The following ATP8B4 variants were observed in gnomAD, a reference collection of about 807,000 sequenced individuals.
ATP8B4 encodes probable phospholipid-transporting ATPase IM.
ATP8B4 carries 133 observed loss-of-function variants against 145.6 expected under a neutral mutation model. That is an observed-to-expected ratio of 0.91 (90% CI 0.79 to 1.05). The LOEUF (loss-of-function observed/expected upper bound fraction) is 1.05, where lower values mean the gene tolerates loss of function less well. Among genes scored for constraint, ATP8B4 ranks in the 50% least tolerant of loss-of-function variants. The pLI is 0.00. For synonymous variants in ATP8B4, 507 were observed against 492.9 expected (o/e 1.03, Z -0.38); for missense variants, 1,458 against 1,425.2 (o/e 1.02, Z -0.37).
intron 3 of ATP8B4, among the ~76,000 whole-genome samples, chr15:50,067,690 C>T (rs183690260): frequency 1.2e-3 from 185 of 152,208 alleles, no homozygotes; most frequent in African/African-American, 4.1e-3. Flanking sequence ...AGAATTTGTA[C>T]CCCCTTTCTT....
chr15:50,061,428 C>T (rs1177165684), intron 3 of ATP8B4, among the ~76,000 whole-genome samples: 3 of 152,062 alleles, frequency 2.0e-5, no homozygotes, highest in Non-Finnish European at 4.4e-5. Flanking sequence ...TTTCCACAGG[C>T]AATAGCATAT....
rs547764565 is a variant in ATP8B4 at position 50,137,153 on chromosome 15, C to T, written c.-42-30145G>A. On this transcript the variant is annotated intron_variant, in intron 1 of 3. Coordinates refer to the ATP8B4 transcript ENST00000558829. Reference sequence around the variant, plus strand: ...AAGCAACATGCTAGCACTGATTTAACGTCAATCTTCCCAAAAATACTATCT... The same window carrying T: ...AAGCAACATGCTAGCACTGATTTAATGTCAATCTTCCCAAAAATACTATCT... 5.3e-4 allele frequency among the ~76,000 whole-genome samples: 81 copies of T among 152,298 alleles called. 1 individual carries two copies. The highest frequency in any genetic ancestry group is 1.9e-3 in the African/African-American group (79 of 41,564).
intron 13 of ATP8B4, among the ~76,000 whole-genome samples, chr15:49,969,963 C>G (rs890380235): frequency 6.6e-6 from 1 of 152,106 alleles, no homozygotes; most frequent in Non-Finnish European, 1.5e-5. Flanking sequence ...TAAGGTGGTT[C>G]AACATATGCA....
intron 1 of ATP8B4, among the ~76,000 whole-genome samples, chr15:50,165,081 G>A (rs1045219887): frequency 2.7e-5 from 4 of 150,054 alleles, no homozygotes; most frequent in East Asian, 2.0e-4. Flanking sequence ...ATGGAGTCTC[G>A]CTCTGTTACC....
intron 2 of ATP8B4, among the ~76,000 whole-genome samples, chr15:50,093,931 T>C (rs1021566015): frequency 2.0e-5 from 3 of 152,196 alleles, no homozygotes; most frequent in African/African-American, 7.2e-5. Flanking sequence ...CTTCCAGGAC[T>C]ATACAACAAC....
intron 23 of ATP8B4, chr15:49,879,933 G>GAA: frequency 6.6e-6 from 1 of 152,356 alleles, no homozygotes; most frequent in Non-Finnish European, 1.5e-5. Context: ...TTTTGCGGGG[G>GAA]AGTGGTTTAA....
At chr15:50,117,143 C>T (rs1012411575) in intron 1 of ATP8B4, among the ~76,000 whole-genome samples, 3 of 152,086 alleles carry the variant, frequency 2.0e-5, no homozygotes, top group African/African-American at 4.8e-5. Flanking sequence ...CTCCACCACA[C>T]GGTTCAGGCG....
intron 18 of ATP8B4, 131 bp downstream of exon 18, chr15:49,920,115 G>C: frequency 8.3e-7 from 1 of 1,200,268 alleles, no homozygotes; most frequent in Non-Finnish European, 1.2e-6. Context: ...TATAAAGCAT[G>C]ATTCAGTGAT....
Position 49,918,819 on chromosome 15 carries a change from A to G in ATP8B4, c.2035+20T>C. 1 of 1,545,882 alleles carries G rather than the reference A, an allele frequency of 6.5e-7. No homozygotes were observed. The highest frequency in any genetic ancestry group is 1.7e-5 in the Admixed American group (1 of 57,922). On this transcript the variant is annotated intron_variant, in intron 19 of 27. Transcript: ENST00000284509. The stretch of plus-strand genomic sequence containing the variant: ...ATCTCCCCATTTTCAAAATATCATC[A>G]ACATCCATTTTCAAGTTACCTTGTT...
At chr15:49,902,835 T>C (rs1472387593) in intron 20 of ATP8B4, among the ~76,000 whole-genome samples, 2 of 152,188 alleles carry the variant, frequency 1.3e-5, no homozygotes, top group Non-Finnish European at 1.5e-5. Context: ...AGCTCATAAA[T>C]TGTGACTTCA....
intron 4 of ATP8B4, among the ~76,000 whole-genome samples, chr15:50,046,306 CCA>C (rs1310281652): frequency 2.6e-5 from 4 of 151,938 alleles, no homozygotes; most frequent in Non-Finnish European, 1.5e-5. Context: ...CCTCTCTGCC[CCA>C]CTCTCTCTCT....
intron 6 of ATP8B4, among the ~76,000 whole-genome samples, chr15:50,013,755 T>C (rs551482234): frequency 1.3e-4 from 20 of 152,258 alleles, no homozygotes; most frequent in African/African-American, 4.8e-4. Flanking sequence ...AATATGCCAC[T>C]ATATATCTAC....
intron 9 of ATP8B4, among the ~76,000 whole-genome samples, chr15:49,992,882 C>T (rs2047145063): frequency 1.3e-5 from 2 of 152,084 alleles, no homozygotes; most frequent in South Asian, 4.1e-4. Context: ...CAAAGCTAGC[C>T]AGGGCATTGC....
At chr15:50,158,731 T>A (rs1452785764) in intron 1 of ATP8B4, among the ~76,000 whole-genome samples, 4 of 152,236 alleles carry the variant, frequency 2.6e-5, no homozygotes, top group Non-Finnish European at 4.4e-5. Context: ...GAAGTAGACA[T>A]GGGAGACTTT....
chr15:49,909,095 G>A (rs2153442010), intron 20 of ATP8B4, among the ~76,000 whole-genome samples: 1 of 152,224 alleles, frequency 6.6e-6, no homozygotes, highest in South Asian at 2.1e-4. Context: ...GCGGGGAGAA[G>A]GGGAACATAC....
intron 23 of ATP8B4, chr15:49,895,532 G>C (rs1283017191): frequency 6.6e-6 from 1 of 152,230 alleles, no homozygotes; most frequent in African/African-American, 2.4e-5. Flanking sequence ...AAGGGACACA[G>C]AAAAGAAACA....
intron 24 of ATP8B4, among the ~76,000 whole-genome samples, chr15:49,878,136 A>C (rs768005709): frequency 6.6e-6 from 1 of 152,136 alleles, no homozygotes; most frequent in Non-Finnish European, 1.5e-5. Context: ...ATTTTTTTTG[A>C]ATTGCACAAT....
chr15:50,049,435 A>T (rs2051997244), intron 3 of ATP8B4, among the ~76,000 whole-genome samples: 1 of 152,200 alleles, frequency 6.6e-6, no homozygotes, highest in South Asian at 2.1e-4. Context: ...TTCACTTCAG[A>T]TAATGGCCTC....
intron 3 of ATP8B4, among the ~76,000 whole-genome samples, chr15:50,072,997 TATATATATATATATATATATATACAC>T (rs1443776892): frequency 5.4e-4 from 25 of 46,206 alleles, no homozygotes; most frequent in South Asian, 2.8e-3. Context: ...TATATATATA[TATATATATATATATATATATATACAC>T]ACACACACAC....
Sources: gnomAD v4.1 joint callset for allele counts (sites outside exome capture counted in the v4.1 genomes callset) on GRCh38, gnomAD v4.1.1 for gene constraint, MANE v1.5 for transcripts, NCBI Gene and HGNC (gene_info 2026-07-23, HGNC 2026-07-21) for gene names.